The following KCNMA1 variants were observed in gnomAD, a reference collection of about 807,000 sequenced individuals.
KCNMA1 encodes potassium calcium-activated channel subfamily M alpha 1, also known as Calcium-activated potassium channel subunit alpha-1.
KCNMA1 carries 29 observed loss-of-function variants against 140.0 expected under a neutral mutation model. The ratio of observed to expected loss-of-function variants is 0.21; its 90% CI spans 0.15 to 0.28. The LOEUF (loss-of-function observed/expected upper bound fraction) is 0.28. KCNMA1 is among the 10% of genes least tolerant of loss of function. KCNMA1 has a pLI of 1.00. For synonymous variants in KCNMA1, 612 were observed against 611.9 expected (o/e 1.00, Z 0.00); for missense variants, 880 against 1,602.2 (o/e 0.55, Z 7.70).
intron 22 of KCNMA1, among the ~76,000 whole-genome samples, chr10:76,945,340 T>C (rs921532313): frequency 1.2e-4 from 19 of 152,294 alleles, no homozygotes; most frequent in African/African-American, 4.6e-4. Flanking sequence ...AACCTCTGGC[T>C]TTCAGAATGT....
At chr10:77,570,050 C>T (rs1405514729) in intron 1 of KCNMA1, among the ~76,000 whole-genome samples, 3 of 151,684 alleles carry the variant, frequency 2.0e-5, no homozygotes, top group Non-Finnish European at 4.4e-5. Context: ...CCATCTCACA[C>T]CAGTTCGAAT....
intron 13 of KCNMA1, among the ~76,000 whole-genome samples, chr10:77,078,935 G>A (rs946629282): frequency 3.3e-5 from 5 of 152,278 alleles, no homozygotes; most frequent in Middle Eastern, 3.4e-3. Context: ...GTACATGAAG[G>A]AGCATCCTTC....
chr10:77,370,548 C>G (rs958227564), intron 2 of KCNMA1, among the ~76,000 whole-genome samples: 1 of 152,158 alleles, frequency 6.6e-6, no homozygotes, highest in Non-Finnish European at 1.5e-5. Context: ...ATCCAAAGAC[C>G]TTTAGAATAA....
chr10:77,318,503 C>T lies in KCNMA1; in HGVS notation c.541-67247G>A, dbSNP rs765546122. Among the ~76,000 whole-genome samples the T allele has an allele frequency of 3.3e-5, 5 of 152,220 alleles. No individual in the cohort carries two copies. The East Asian group carries it at 7.7e-4, about 24-fold the overall frequency. On this transcript the variant is annotated intron_variant, in intron 2 of 27. Transcript: ENST00000286628. ...CCCATGGGTCTCCACTTGTAGAAGG[C>T]GGTTCACCTATCATCCTACCTTCTA... is the stretch of plus-strand genomic sequence containing the variant.
chr10:76,970,129 CA>C (rs2075596265), intron 19 of KCNMA1, 62 bp from the exon 20 acceptor site: 1 of 1,258,094 alleles, frequency 7.9e-7, no homozygotes, highest in South Asian at 1.2e-5. Flanking sequence ...GCAATACAGG[CA>C]AAATATCAAA....
At chr10:77,480,296 G>A (rs1384249425) in intron 1 of KCNMA1, among the ~76,000 whole-genome samples, 1 of 152,212 alleles carries the variant, frequency 6.6e-6, no homozygotes, top group African/African-American at 2.4e-5. Flanking sequence ...CCATCTGGCA[G>A]CAAGGATCCA....
intron 3 of KCNMA1, among the ~76,000 whole-genome samples, chr10:77,189,272 C>T (rs572126484): frequency 6.6e-6 from 1 of 152,244 alleles, no homozygotes; most frequent in African/African-American, 2.4e-5. Context: ...CCCATTCAGA[C>T]CTGAACAGAG....
At chr10:76,910,640 C>T (rs2049787062) in intron 24 of KCNMA1, 1 of 197,046 alleles carries the variant, frequency 5.1e-6, no homozygotes, top group Admixed American at 5.3e-5. Flanking sequence ...GGGTCCCAGG[C>T]CCTAAATCTA....
intron 23 of KCNMA1, among the ~76,000 whole-genome samples, chr10:76,944,335 C>A (rs1424744086): frequency 2.0e-5 from 3 of 152,176 alleles, no homozygotes; most frequent in African/African-American, 7.2e-5. Flanking sequence ...GATTACCATC[C>A]CTTGGTCAGC....
At chr10:76,980,667 G>A (rs2079155305) in intron 19 of KCNMA1, 1 of 152,126 alleles carries the variant, frequency 6.6e-6, no homozygotes, top group South Asian at 2.1e-4. Context: ...TTCTCCTGGG[G>A]CAGGAGCTTA....
intron 2 of KCNMA1, among the ~76,000 whole-genome samples, chr10:77,279,036 G>A (rs1422582726): frequency 6.6e-6 from 1 of 151,914 alleles, no homozygotes; most frequent in Non-Finnish European, 1.5e-5. Flanking sequence ...TTGTTTTTAG[G>A]TTTTTGGGGG....
At chr10:77,436,791 G>T (rs939274036) in intron 1 of KCNMA1, among the ~76,000 whole-genome samples, 2 of 152,124 alleles carry the variant, frequency 1.3e-5, no homozygotes. Context: ...TTATTGACAT[G>T]AATATACATA....
chr10:77,151,123 TCTTC>T (rs1464300140), intron 5 of KCNMA1, among the ~76,000 whole-genome samples: 4 of 151,700 alleles, frequency 2.6e-5, no homozygotes, highest in South Asian at 2.1e-4. Flanking sequence ...CTCTCTCTTC[TCTTC>T]CTTCCTTTCT....
chr10:77,336,302 CAGAT>C (rs1429781308), intron 2 of KCNMA1, among the ~76,000 whole-genome samples: 1 of 152,080 alleles, frequency 6.6e-6, no homozygotes, highest in Non-Finnish European at 1.5e-5. Context: ...CCCTAACCAA[CAGAT>C]AGGCTAGAAA....
chr10:76,891,726 A>G lies in KCNMA1; in HGVS notation c.3148-7T>C. The G allele has an allele frequency of 1.2e-6, 2 of 1,612,286 alleles. No homozygotes were observed. The highest frequency in any genetic ancestry group is 1.7e-6 in the Non-Finnish European group (2 of 1,178,954). On this transcript the variant is annotated splice_region_variant and splice_polypyrimidine_tract_variant and intron_variant, in intron 25 of 27. Transcript: ENST00000286628. The stretch of plus-strand genomic sequence containing the variant: ...TATTGTCATTGAAGTACGTCTGGGG[A>G]AGGAGAGAAAGTGAGGGAAAAGTCC...
intron 1 of KCNMA1, among the ~76,000 whole-genome samples, chr10:77,578,999 G>A (rs1386838100): frequency 6.6e-6 from 1 of 152,234 alleles, no homozygotes; most frequent in Non-Finnish European, 1.5e-5. Flanking sequence ...GCGCCCAGCT[G>A]CCAACCTCCC....
intron 2 of KCNMA1, among the ~76,000 whole-genome samples, chr10:77,319,663 G>A (rs967850117): frequency 5.3e-5 from 8 of 152,224 alleles, no homozygotes; most frequent in Admixed American, 4.6e-4. Context: ...GCTGAGTGCT[G>A]AGTGGTTTGC....
chr10:77,590,563 G>A (rs1677685187), intron 1 of KCNMA1, among the ~76,000 whole-genome samples: 2 of 152,210 alleles, frequency 1.3e-5, no homozygotes, highest in Admixed American at 1.3e-4. Flanking sequence ...TCCCGCCCGC[G>A]CCTCTCCCTC....
chr10:77,291,940 T>C (rs2073413556), intron 2 of KCNMA1, among the ~76,000 whole-genome samples: 1 of 152,204 alleles, frequency 6.6e-6, no homozygotes, highest in African/African-American at 2.4e-5. Flanking sequence ...AGCTCTGCCC[T>C]GAACATCTTG....
Sources: allele counts gnomAD v4.1 joint callset (sites outside exome capture counted in the v4.1 genomes callset), GRCh38; gene constraint gnomAD v4.1.1; transcripts MANE v1.5; gene names NCBI Gene and HGNC (gene_info 2026-07-23, HGNC 2026-07-21).